HDAC9: variants seen among roughly 807,000 people sequenced by gnomAD.
HDAC9 encodes histone deacetylase 9, also known as MEF-2 interacting transcription repressor (MITR) protein.
In HDAC9, 41 loss-of-function variants were observed where a neutral mutation model predicts 139.4. The ratio of observed to expected loss-of-function variants is 0.29; its 90% CI spans 0.23 to 0.38. HDAC9 has a LOEUF of 0.38. Ranked by LOEUF, HDAC9 falls within the 10% of genes least tolerant of loss-of-function variation. The pLI, the probability that HDAC9 is intolerant of heterozygous loss-of-function variation, is 1.00. For synonymous variants in HDAC9, 517 were observed against 476.2 expected, an observed-to-expected ratio of 1.09 and a Z score of -1.12; for missense variants, 1,147 against 1,297.0, an observed-to-expected ratio of 0.88 and a Z score of 1.78.
chr7:18,811,512 A>G (rs551262043), intron 17 of HDAC9, among the ~76,000 whole-genome samples: 1 of 151,686 alleles, frequency 6.6e-6, no homozygotes, highest in African/African-American at 2.4e-5. Context: ...TATATTATTT[A>G]GTGTCTGATT....
At chr7:18,257,415 AC>A (rs1197833218) in intron 2 of HDAC9, among the ~76,000 whole-genome samples, 14 of 150,388 alleles carry the variant, frequency 9.3e-5, no homozygotes, top group African/African-American at 3.2e-4. Flanking sequence ...ACACACACAC[AC>A]ACACACACAC....
At chr7:18,578,052 T>C (rs547605433) in intron 2 of HDAC9, 156 of 484,484 alleles carry the variant, frequency 3.2e-4, no homozygotes, top group African/African-American at 2.8e-3. Flanking sequence ...CCAGCTTAGC[T>C]TGACTTTTGG....
intron 1 of HDAC9, among the ~76,000 whole-genome samples, chr7:18,299,156 A>G (rs1252444763): frequency 6.6e-6 from 1 of 152,064 alleles, no homozygotes; most frequent in African/African-American, 2.4e-5. Flanking sequence ...TTTATGCAAG[A>G]GTAAGATTTT....
chr7:18,518,866 C>T (rs775527240), intron 2 of HDAC9, among the ~76,000 whole-genome samples: 1 of 152,128 alleles, frequency 6.6e-6, no homozygotes, highest in African/African-American at 2.4e-5. Flanking sequence ...AAAAGGCTTC[C>T]GACATGTGAA....
intron 1 of HDAC9, among the ~76,000 whole-genome samples, chr7:18,140,294 C>T (rs1415798063): frequency 6.6e-6 from 1 of 152,006 alleles, no homozygotes; most frequent in Non-Finnish European, 1.5e-5. Flanking sequence ...GGCCTCCATC[C>T]CATGGGAGAC....
chr7:18,296,462 T>G (rs879368634), intron 1 of HDAC9, among the ~76,000 whole-genome samples: 7 of 152,060 alleles, frequency 4.6e-5, no homozygotes, highest in Non-Finnish European at 8.8e-5. Context: ...AATAAACTCT[T>G]AGATACCTAT....
At chr7:18,545,550 C>T (rs2214090) in intron 2 of HDAC9, among the ~76,000 whole-genome samples, 139,582 of 152,154 alleles carry the variant, frequency 0.92, 64,293 homozygotes, top group East Asian at 1. Flanking sequence ...GGATATGCCA[C>T]GGGCACCATA....
intron 2 of HDAC9, among the ~76,000 whole-genome samples, chr7:18,224,822 G>A (rs1388319879): frequency 6.6e-6 from 1 of 152,102 alleles, no homozygotes; most frequent in African/African-American, 2.4e-5. Context: ...AGGTCAGAGG[G>A]AGGAGAAAGG....
intron 1 of HDAC9, among the ~76,000 whole-genome samples, chr7:18,308,081 A>T (rs571564821): frequency 5.9e-5 from 9 of 152,314 alleles, no homozygotes; most frequent in African/African-American, 1.9e-4. Flanking sequence ...ATAAAAATAC[A>T]TGTTTTCAAA....
intron 2 of HDAC9, among the ~76,000 whole-genome samples, chr7:18,259,444 C>T (rs1424380954): frequency 6.6e-6 from 1 of 152,176 alleles, no homozygotes; most frequent in East Asian, 1.9e-4. Flanking sequence ...CTCACAGCAA[C>T]CTCTGCCTCC....
At chr7:18,194,369 T>C (rs531970406) in intron 2 of HDAC9, among the ~76,000 whole-genome samples, 2 of 152,196 alleles carry the variant, frequency 1.3e-5, no homozygotes, top group Non-Finnish European at 2.9e-5. Flanking sequence ...TTCTATCCTA[T>C]TGAAATTAAT....
At chr7:18,691,621 T>C (rs1362690066) in intron 12 of HDAC9, among the ~76,000 whole-genome samples, 4 of 152,060 alleles carry the variant, frequency 2.6e-5, no homozygotes, top group Non-Finnish European at 5.9e-5. Context: ...TTAACCAAAA[T>C]TCCTTTCAGT....
chr7:18,383,360 C>T (rs1197970545), intron 1 of HDAC9, among the ~76,000 whole-genome samples: 15 of 152,088 alleles, frequency 9.9e-5, no homozygotes, highest in Admixed American at 7.9e-4. Context: ...TGGGCCTGGA[C>T]GTGATCTCAG....
intron 1 of HDAC9, among the ~76,000 whole-genome samples, chr7:18,411,650 C>T (rs1788564384): frequency 2.0e-5 from 3 of 152,136 alleles, no homozygotes; most frequent in African/African-American, 7.2e-5. Context: ...GCTGGGATTA[C>T]AGGCGTAAGC....
At chr7:18,405,449 A>C (rs1336640205) in intron 1 of HDAC9, among the ~76,000 whole-genome samples, 1 of 152,090 alleles carries the variant, frequency 6.6e-6, no homozygotes, top group Non-Finnish European at 1.5e-5. Flanking sequence ...TCCTTCCCCA[A>C]GTGAAAATAC....
intron 21 of HDAC9, among the ~76,000 whole-genome samples, chr7:18,840,811 T>G (rs984681890): frequency 3.3e-5 from 5 of 152,132 alleles, no homozygotes; most frequent in African/African-American, 1.2e-4. Flanking sequence ...TCTGTCCAGA[T>G]ATCCTGTCTA....
rs887697374 is a variant in HDAC9, at chr7:18,338,658, A to G, written c.-42+48143A>G. ...TTATTGGGATAAATCCTACTTGGTCAAGGTATATAATGCTTTTTATATAGT... is the reference window on the plus strand; with the variant it reads ...TTATTGGGATAAATCCTACTTGGTCGAGGTATATAATGCTTTTTATATAGT... On this transcript the variant is annotated intron_variant, in intron 1 of 3. Transcript: ENST00000413509. Among the ~76,000 whole-genome samples the G allele has an allele frequency of 4.0e-5, 6 of 151,556 alleles. 1 individual carries two copies. Among genetic ancestry groups the G allele is most frequent in the African/African-American group, 1.2e-4 (5 of 41,348 alleles).
chr7:18,637,029 A>G (rs192448723), intron 8 of HDAC9, among the ~76,000 whole-genome samples: 15 of 152,220 alleles, frequency 9.9e-5, no homozygotes, highest in African/African-American at 3.4e-4. Context: ...ACTAGACTAC[A>G]TTCAGCAGCA....
chr7:18,263,340 G>C (rs1438372831), intron 2 of HDAC9, among the ~76,000 whole-genome samples: 1 of 152,056 alleles, frequency 6.6e-6, no homozygotes, highest in Non-Finnish European at 1.5e-5. Flanking sequence ...AATCTCTTCT[G>C]TAATATTATT....
Sources: allele counts gnomAD v4.1 joint callset (sites outside exome capture counted in the v4.1 genomes callset), GRCh38; gene constraint gnomAD v4.1.1; transcripts MANE v1.5; gene names NCBI Gene and HGNC (gene_info 2026-07-23, HGNC 2026-07-21).